The following GRB2 variants were observed in gnomAD, a reference collection of about 807,000 sequenced individuals.
The protein encoded by GRB2 is growth factor receptor bound protein 2, also known as growth factor receptor-bound protein 2.
In GRB2, 2 loss-of-function variants were observed where a neutral mutation model predicts 27.4. The ratio of observed to expected loss-of-function variants is 0.07; its 90% CI spans 0.03 to 0.23. The LOEUF (loss-of-function observed/expected upper bound fraction) is 0.23, where lower values mean the gene tolerates loss of function less well. Ranked by LOEUF, GRB2 falls within the 10% of genes least tolerant of loss-of-function variation. GRB2 has a pLI of 1.00. For synonymous variants in GRB2, 94 were observed against 99.6 expected (o/e 0.94, Z 0.33); for missense variants, 102 against 282.4 (o/e 0.36, Z 4.58).
At chr17:75,337,417 A>G (rs1039113195) in intron 2 of GRB2, among the ~76,000 whole-genome samples, 7 of 151,980 alleles carry the variant, frequency 4.6e-5, no homozygotes, top group South Asian at 4.1e-4. Context: ...AAAACAAAAC[A>G]GCAAAGAACA....
At chr17:75,333,957 A>G (rs1044179415) in intron 2 of GRB2, among the ~76,000 whole-genome samples, 4 of 152,138 alleles carry the variant, frequency 2.6e-5, no homozygotes, top group Admixed American at 6.5e-5. Flanking sequence ...GTTCTCTCCA[A>G]TGCTGCCTCT....
chr17:75,354,274 G>GGGGC (rs2078715581), intron 2 of GRB2, among the ~76,000 whole-genome samples: 1 of 129,514 alleles, frequency 7.7e-6, no homozygotes, highest in South Asian at 3.1e-4. Flanking sequence ...TGGGGGGGGG[G>GGGGC]GGGAGATGGA....
chr17:75,390,768 G>A (rs2078993260), intron 2 of GRB2, among the ~76,000 whole-genome samples: 1 of 152,230 alleles, frequency 6.6e-6, no homozygotes, highest in Non-Finnish European at 1.5e-5. Flanking sequence ...AGGAGAAGAT[G>A]TGATCCTTCT....
intron 2 of GRB2, among the ~76,000 whole-genome samples, chr17:75,352,581 A>G (rs1242483491): frequency 6.6e-6 from 1 of 152,208 alleles, no homozygotes; most frequent in East Asian, 1.9e-4. Flanking sequence ...TAAACGGTTC[A>G]TTCTCCTGCT....
chr17:75,400,110 G>A (rs1279305977), intron 1 of GRB2, among the ~76,000 whole-genome samples: 9 of 151,828 alleles, frequency 5.9e-5, no homozygotes, highest in South Asian at 2.1e-4. Context: ...CCATCCTCCC[G>A]CCTCAGCTTC....
At chr17:75,355,846 CAG>C (rs1461433014) in intron 2 of GRB2, among the ~76,000 whole-genome samples, 5 of 130,262 alleles carry the variant, frequency 3.8e-5, no homozygotes, top group Admixed American at 1.7e-4. Context: ...TTTAAAGAGA[CAG>C]AGTCTTGCTC....
At chr17:75,339,753 A>C (rs2078608021) in intron 2 of GRB2, among the ~76,000 whole-genome samples, 1 of 151,576 alleles carries the variant, frequency 6.6e-6, no homozygotes. Context: ...CAGCCTCCCA[A>C]GTAGCTGGGA....
At chr17:75,376,085 G>A (rs190453482) in intron 2 of GRB2, among the ~76,000 whole-genome samples, 153 of 148,992 alleles carry the variant, frequency 1.0e-3, no homozygotes, top group Non-Finnish European at 1.6e-3. Context: ...GCTCACGCCT[G>A]TAATCCCAGC....
intron 1 of GRB2, among the ~76,000 whole-genome samples, chr17:75,404,214 A>G (rs2079082846): frequency 6.6e-6 from 1 of 152,198 alleles, no homozygotes; most frequent in Non-Finnish European, 1.5e-5. Flanking sequence ...GAAAAAGAGT[A>G]AAAGACAAAA....
At chr17:75,403,517 G>A (rs12604003) in intron 1 of GRB2, among the ~76,000 whole-genome samples, 98,420 of 152,020 alleles carry the variant, frequency 0.65, 38,154 homozygotes, top group East Asian at 0.96. Context: ...GCTCATGTCT[G>A]TAATCCCAAG....
At chr17:75,352,317 G>C (rs1419291906) in intron 2 of GRB2, among the ~76,000 whole-genome samples, 1 of 152,194 alleles carries the variant, frequency 6.6e-6, no homozygotes, top group Non-Finnish European at 1.5e-5. Flanking sequence ...GCTGCTCCAT[G>C]TGAAAAATCA....
At chr17:75,391,519 T>A (rs531286357) in intron 2 of GRB2, among the ~76,000 whole-genome samples, 10 of 152,170 alleles carry the variant, frequency 6.6e-5, no homozygotes, top group South Asian at 4.1e-4. Context: ...TTAAAAATTT[T>A]AAAAAAAGGC....
chr17:75,381,719 T>C (rs1197855764), intron 2 of GRB2, among the ~76,000 whole-genome samples: 4 of 60,358 alleles, frequency 6.6e-5, no homozygotes, highest in Admixed American at 1.8e-4. Flanking sequence ...AGACTCCGTC[T>C]CAAAAAAAAA....
At chr17:75,333,492 A>G (rs556597852) in intron 2 of GRB2, among the ~76,000 whole-genome samples, 2 of 151,534 alleles carry the variant, frequency 1.3e-5, no homozygotes, top group East Asian at 3.9e-4. Flanking sequence ...ACTTTCTGGG[A>G]GAGAGAGGTG....
chr17:75,398,432 ATT>A (rs1349372233), intron 1 of GRB2, among the ~76,000 whole-genome samples: 1 of 148,580 alleles, frequency 6.7e-6, no homozygotes, highest in South Asian at 2.1e-4. Flanking sequence ...TAGCCTACTC[ATT>A]TTTTTTTGTA....
intron 2 of GRB2, chr17:75,371,190 C>A (rs1428040049): frequency 6.6e-6 from 1 of 151,810 alleles, no homozygotes; most frequent in African/African-American, 2.4e-5. Flanking sequence ...ATTAAGTATT[C>A]TTTAGATCGT....
chr17:75,343,244 T>G (rs1390831839), intron 2 of GRB2, among the ~76,000 whole-genome samples: 2 of 152,058 alleles, frequency 1.3e-5, no homozygotes, highest in Non-Finnish European at 2.9e-5. Flanking sequence ...TGATTCGGTC[T>G]GCCTGTCTGA....
At position 75,334,813 on chromosome 17, in the gene GRB2, C is replaced by T. The variant is rs567685910; in HGVS notation, c.79-2016G>A. Among the ~76,000 whole-genome samples the T allele has an allele frequency of 7.9e-5, 12 of 151,344 alleles. No individual in the cohort carries two copies. The South Asian group carries it at 2.3e-3, about 29-fold the overall frequency. ...GTAAAAGAAAAGTTATAACAATATA[C>T]TGTAATAAAAATTTATGTGAATGTG... On this transcript the variant is annotated intron_variant, in intron 2 of 5. Transcript: ENST00000316804.
At chr17:75,386,381 G>C (rs1050003500) in intron 2 of GRB2, among the ~76,000 whole-genome samples, 32 of 152,308 alleles carry the variant, frequency 2.1e-4, no homozygotes, top group African/African-American at 7.7e-4. Context: ...GCCTCCCAAA[G>C]TGCTGGGATT....
Sources: gnomAD v4.1 joint callset for allele counts (sites outside exome capture counted in the v4.1 genomes callset) on GRCh38, gnomAD v4.1.1 for gene constraint, MANE v1.5 for transcripts, NCBI Gene and HGNC (gene_info 2026-07-23, HGNC 2026-07-21) for gene names.